CIRSR: variants seen among roughly 807,000 people sequenced by gnomAD.
The protein encoded by CIRSR is CBF1 (RBPJ) interacting corepressor 1.
chr2:174,366,017 T>G, the CIRSR span, among the ~76,000 whole-genome samples: 2 of 152,134 alleles, frequency 1.3e-5, no homozygotes, highest in Admixed American at 1.3e-4. Flanking sequence ...AGCAAAGAGA[T>G]GGAAACTCTT....
chr2:174,380,190 T>A, the CIRSR span: 4 of 1,568,536 alleles, frequency 2.6e-6, no homozygotes, highest in African/African-American at 5.4e-5. Flanking sequence ...GAGTAAAATA[T>A]GTGTCACTTG....
At chr2:174,371,921 T>C in the CIRSR span, among the ~76,000 whole-genome samples, 9 of 152,194 alleles carry the variant, frequency 5.9e-5, no homozygotes, top group African/African-American at 1.9e-4. Flanking sequence ...TATTCACTGG[T>C]GAGACATTAT....
the CIRSR span, among the ~76,000 whole-genome samples, chr2:174,380,986 G>A: frequency 1.2e-4 from 18 of 151,986 alleles, 1 homozygote; most frequent in East Asian, 3.5e-3. Context: ...ACTATTGCAG[G>A]ACAAAATACA....
the CIRSR span, chr2:174,349,008 T>C: frequency 6.3e-7 from 1 of 1,598,432 alleles, no homozygotes; most frequent in Admixed American, 1.7e-5. Flanking sequence ...ATTGTTACTC[T>C]CACTCTCACT....
chr2:174,394,991 G>C, the CIRSR span, among the ~76,000 whole-genome samples: 1 of 152,178 alleles, frequency 6.6e-6, no homozygotes, highest in Non-Finnish European at 1.5e-5. Flanking sequence ...CGAATAACTA[G>C]AATCCAGGTT....
chr2:174,349,897 T>C, the CIRSR span, among the ~76,000 whole-genome samples: 1 of 152,168 alleles, frequency 6.6e-6, no homozygotes, highest in African/African-American at 2.4e-5. Flanking sequence ...TTATAGTATA[T>C]AAATATTAAT....
chr2:174,352,525 G>T, the CIRSR span, among the ~76,000 whole-genome samples: 2 of 152,180 alleles, frequency 1.3e-5, no homozygotes, highest in African/African-American at 2.4e-5. Flanking sequence ...GAGGCGGGAG[G>T]ATCACTTGAG....
the CIRSR span, among the ~76,000 whole-genome samples, chr2:174,365,127 C>T: frequency 6.6e-6 from 1 of 152,140 alleles, no homozygotes; most frequent in South Asian, 2.1e-4. Flanking sequence ...ATTTCTTCCG[C>T]CAGATATCCT....
chr2:174,380,571 A>G, the CIRSR span: 1 of 1,336,302 alleles, frequency 7.5e-7, no homozygotes, highest in East Asian at 2.3e-5. Context: ...CTAATGATTG[A>G]AAAAGCAACA....
chr2:174,348,939 T>C, the CIRSR span: 2 of 1,613,360 alleles, frequency 1.2e-6, no homozygotes, highest in Admixed American at 1.7e-5. Context: ...AGAATCACTG[T>C]TGTTATGCCC....
chr2:174,366,410 G>C, the CIRSR span, among the ~76,000 whole-genome samples: 41 of 152,174 alleles, frequency 2.7e-4, 2 homozygotes, highest in East Asian at 1.5e-3. Context: ...CATTCACACT[G>C]TGAAAAAATC....
the CIRSR span, among the ~76,000 whole-genome samples, chr2:174,393,515 C>T: frequency 6.6e-6 from 1 of 151,990 alleles, no homozygotes; most frequent in East Asian, 1.9e-4. Context: ...AATTTTCTTT[C>T]TTTCTTTTTA....
At chr2:174,350,841 G>T in the CIRSR span, 2 of 884,750 alleles carry the variant, frequency 2.3e-6, no homozygotes, top group Non-Finnish European at 1.7e-6. Flanking sequence ...TTGTATCAGG[G>T]ACACACTGTA....
At chr2:174,362,575 C>CAGG in the CIRSR span, among the ~76,000 whole-genome samples, 1 of 147,216 alleles carries the variant, frequency 6.8e-6, no homozygotes, top group Non-Finnish European at 1.5e-5. Context: ...CCCAGCTACT[C>CAGG]AGGAGGCTGA....
At chr2:174,383,849 C>CAAAAA in the CIRSR span, among the ~76,000 whole-genome samples, 16 of 121,458 alleles carry the variant, frequency 1.3e-4, no homozygotes, top group African/African-American at 2.3e-4. Flanking sequence ...AGCTATCTTC[C>CAAAAA]AAAAAAAAAA....
the CIRSR span, among the ~76,000 whole-genome samples, chr2:174,354,570 TA>T: frequency 6.9e-5 from 1 of 14,488 alleles, no homozygotes; most frequent in Non-Finnish European, 2.3e-4. Flanking sequence ...TTTTATATAT[TA>T]TATTATATAT....
chr2:174,348,894 T>A, the CIRSR span: 1 of 1,614,258 alleles, frequency 6.2e-7, no homozygotes, highest in South Asian at 1.1e-5. Context: ...AAGTTCTTCA[T>A]GAAGCTTTCT....
At chr2:174,386,263 C>T in the CIRSR span, among the ~76,000 whole-genome samples, 1 of 152,174 alleles carries the variant, frequency 6.6e-6, no homozygotes, top group Non-Finnish European at 1.5e-5. Context: ...CTTAGCACAA[C>T]TTCTGCCTCC....
chr2:174,382,890 T>C, the CIRSR span, among the ~76,000 whole-genome samples: 1 of 151,874 alleles, frequency 6.6e-6, no homozygotes, highest in Non-Finnish European at 1.5e-5. Flanking sequence ...GGCTAAAGAG[T>C]GAATATAATT....
Sources: allele counts gnomAD v4.1 joint callset (sites outside exome capture counted in the v4.1 genomes callset), GRCh38; gene constraint gnomAD v4.1.1; transcripts MANE v1.5; gene names NCBI Gene and HGNC (gene_info 2026-07-23, HGNC 2026-07-21).